NEBL: variants seen among roughly 807,000 people sequenced by gnomAD.
NEBL encodes the protein LIM and SH3 protein 2.
NEBL carries 122 observed loss-of-function variants against 140.2 expected under a neutral mutation model. The ratio of observed to expected loss-of-function variants is 0.87; its 90% CI spans 0.75 to 1.01. The LOEUF is 1.01. NEBL is among the 50% of genes least tolerant of loss of function. The pLI is 0.00. For missense variants in NEBL, 1,365 were observed against 1,231.3 expected (o/e 1.11, Z -1.62); for synonymous variants, 436 against 398.9 (o/e 1.09, Z -1.11).
At chr10:21,006,584 C>G (rs1838148520) in intron 3 of NEBL, among the ~76,000 whole-genome samples, 1 of 152,188 alleles carries the variant, frequency 6.6e-6, no homozygotes, top group Admixed American at 6.5e-5. Context: ...TAGGGTTCCA[C>G]TGATGGAGTT....
chr10:20,970,892 T>C (rs1430087608), intron 3 of NEBL, among the ~76,000 whole-genome samples: 2 of 152,068 alleles, frequency 1.3e-5, no homozygotes, highest in Non-Finnish European at 2.9e-5. Context: ...AAGCGAAAAA[T>C]ATCAAAGTGA....
At chr10:20,821,829 C>G (rs895354794) in intron 19 of NEBL, among the ~76,000 whole-genome samples, 121 of 152,288 alleles carry the variant, frequency 7.9e-4, no homozygotes, top group African/African-American at 2.9e-3. Flanking sequence ...ATCTTTCACC[C>G]CAAGTACTCA....
chr10:21,272,257 A>C (rs1842870003), intron 1 of NEBL, among the ~76,000 whole-genome samples: 1 of 148,736 alleles, frequency 6.7e-6, no homozygotes, highest in African/African-American at 2.5e-5. Flanking sequence ...AAGCCACCGC[A>C]CCCGGCAAAT....
At chr10:21,181,402 G>C (rs191992719) in intron 3 of NEBL, among the ~76,000 whole-genome samples, 3 of 151,638 alleles carry the variant, frequency 2.0e-5, no homozygotes, top group East Asian at 3.9e-4. Context: ...CTGTAAACTG[G>C]TTAAAAAAAA....
chr10:20,933,629 G>C (rs1030404163), intron 4 of NEBL, among the ~76,000 whole-genome samples: 3 of 152,216 alleles, frequency 2.0e-5, no homozygotes, highest in Non-Finnish European at 4.4e-5. Flanking sequence ...AGCTACCTGG[G>C]AGGCTGAGGC....
chr10:21,066,625 C>A (rs1835559505), intron 2 of NEBL, among the ~76,000 whole-genome samples: 1 of 152,106 alleles, frequency 6.6e-6, no homozygotes, highest in Non-Finnish European at 1.5e-5. Context: ...TTATTTTAAG[C>A]CTCCGAATTT....
At position 21,248,010 on chromosome 10, in the gene NEBL, T is replaced by A. The variant is rs866196116; in HGVS notation, n.280-21A>T. On this transcript the variant is annotated intron_variant and non_coding_transcript_variant, in intron 2 of 8. Transcript: ENST00000675702. ...CAACTCTGAGGAAGGAAATTATGAT[T>A]AAAAAAAAAAAAAAAACCATCCCAA... 4.5e-3 allele frequency: 879 copies of A among 196,652 alleles called. 7 individuals are homozygous for A. Among genetic ancestry groups the A allele is most frequent in the African/African-American group, 0.021 (813 of 38,096 alleles). The allele number at this position is 196,652 out of a possible 1,614,324, so 12.2% of individuals were successfully genotyped here.
intron 26 of NEBL, among the ~76,000 whole-genome samples, chr10:20,793,543 T>A (rs1049160255): frequency 1.3e-5 from 2 of 151,232 alleles, no homozygotes; most frequent in Non-Finnish European, 2.9e-5. Flanking sequence ...GTCTTATTTT[T>A]CTTTCTTTCT....
intron 3 of NEBL, among the ~76,000 whole-genome samples, chr10:21,015,341 C>T (rs917811454): frequency 2.0e-5 from 3 of 152,286 alleles, no homozygotes; most frequent in South Asian, 2.1e-4. Flanking sequence ...AAAATGTCAT[C>T]GGAAGAACCA....
rs1432620159 is a variant in NEBL, at chr10:21,288,818, GTGTATATATATATATATATA to G, written n.182+3992_182+4011del. 4.6e-4 allele frequency among the ~76,000 whole-genome samples: 15 copies of G among 32,666 alleles called. 1 individual carries two copies. In the East Asian group the frequency reaches 0.016, roughly 35 times the overall value. The allele number at this position is 32,666 out of a possible 152,430, so 21.4% of individuals were successfully genotyped here. ...CATCTGACAATATATACGTGTGTGT[GTGTATATATATATATATATA>G]TATATATATATAAAAATTTTTTTTT... On this transcript the variant is annotated intron_variant and non_coding_transcript_variant, in intron 1 of 8. Coordinates refer to the NEBL transcript ENST00000675702.
chr10:21,061,290 A>AAAATATT, intron 2 of NEBL, among the ~76,000 whole-genome samples: 3 of 147,770 alleles, frequency 2.0e-5, no homozygotes, highest in African/African-American at 4.9e-5. Flanking sequence ...TGTGATATGT[A>AAAATATT]ACATATTACA....
chr10:21,084,025 T>C (rs1192015800), intron 2 of NEBL, among the ~76,000 whole-genome samples: 2 of 152,160 alleles, frequency 1.3e-5, no homozygotes, highest in Non-Finnish European at 2.9e-5. Context: ...AAAAAAACCC[T>C]AGTATAAATA....
rs370623168 is a variant in NEBL at position 21,197,969 on chromosome 10, A to T, written n.349-25492T>A. 2.1e-3 allele frequency among the ~76,000 whole-genome samples: 322 copies of T among 151,772 alleles called. 15 individuals carry two copies. In the South Asian group the frequency reaches 0.065, roughly 31 times the overall value. On this transcript the variant is annotated intron_variant and non_coding_transcript_variant, in intron 3 of 8. Coordinates refer to the NEBL transcript ENST00000675702. ...CCAGCCCAACTCCTCCAGGAGATGG[A>T]TTTGAGGGTCTCCTCCTATCTCTTC... is the stretch of plus-strand genomic sequence containing the variant.
rs988057637 is a variant in NEBL, at chr10:21,016,064, C to A, written c.249+4053G>T. Among the ~76,000 whole-genome samples the A allele has an allele frequency of 3.3e-5, 5 of 152,372 alleles. No individual in the cohort carries two copies. The East Asian group carries it at 9.6e-4, about 29-fold the overall frequency. On this transcript the variant is annotated intron_variant, in intron 3 of 6. Coordinates refer to the NEBL transcript ENST00000417816. ...CTTTTGCTTCTTGTTGAATGGGCTGCTGCGGGCCCGTGGGGGCGTCTAACC... is the reference window on the plus strand; with the variant it reads ...CTTTTGCTTCTTGTTGAATGGGCTGATGCGGGCCCGTGGGGGCGTCTAACC...
intron 3 of NEBL, among the ~76,000 whole-genome samples, chr10:21,216,606 A>T (rs190837485): frequency 1.3e-5 from 2 of 152,190 alleles, no homozygotes; most frequent in East Asian, 3.9e-4. Context: ...CCCTGTCTCT[A>T]CTAAAGACAC....
intron 2 of NEBL, among the ~76,000 whole-genome samples, chr10:21,022,158 C>T (rs566276544): frequency 6.6e-6 from 1 of 152,238 alleles, no homozygotes; most frequent in Non-Finnish European, 1.5e-5. Flanking sequence ...GCTGCTGTGA[C>T]CCCATGGTCA....
At chr10:21,209,563 C>T (rs1028195177) in intron 3 of NEBL, among the ~76,000 whole-genome samples, 12 of 151,910 alleles carry the variant, frequency 7.9e-5, no homozygotes, top group Non-Finnish European at 1.8e-4. Flanking sequence ...GGACCCAATA[C>T]GTGCCAATAG....
intron 21 of NEBL, among the ~76,000 whole-genome samples, chr10:20,816,170 A>T (rs945106149): frequency 6.6e-6 from 1 of 152,310 alleles, no homozygotes; most frequent in African/African-American, 2.4e-5. Flanking sequence ...ATCTTAAATC[A>T]ATCTATTTCA....
chr10:20,977,592 G>A (rs1055997416), intron 3 of NEBL, among the ~76,000 whole-genome samples: 1 of 152,138 alleles, frequency 6.6e-6, no homozygotes, highest in Non-Finnish European at 1.5e-5. Context: ...CTGCCCAGAT[G>A]AAAGGCTAAT....
Sources: gnomAD v4.1 joint callset for allele counts (sites outside exome capture counted in the v4.1 genomes callset) on GRCh38, gnomAD v4.1.1 for gene constraint, MANE v1.5 for transcripts, NCBI Gene and HGNC (gene_info 2026-07-23, HGNC 2026-07-21) for gene names.